The following P4HA2 variants were observed in gnomAD, a reference collection of about 807,000 sequenced individuals.
P4HA2 encodes the protein prolyl 4-hydroxylase subunit alpha 2.
P4HA2 carries 46 observed loss-of-function variants against 76.9 expected under a neutral mutation model. That is an observed-to-expected ratio of 0.60 (90% CI 0.47 to 0.76). P4HA2 has a LOEUF of 0.76. Ranked by LOEUF, P4HA2 falls within the 30% of genes least tolerant of loss-of-function variation. The pLI is 0.00. For missense variants in P4HA2, 583 were observed against 669.4 expected (o/e 0.87, Z 1.42); for synonymous variants, 243 against 254.0 (o/e 0.96, Z 0.41).
Position 132,193,032 on chromosome 5 carries a change from C to T in P4HA2, c.1580G>A (p.Cys527Tyr), listed in dbSNP as rs138013404. ...HERGQEFLRPCGSTEVD is the reference protein window; with the variant it reads ...HERGQEFLRPYGSTEVD The stretch of plus-strand genomic sequence containing the variant: ...ATGTCAGTCAACTTCTGTTGATCCA[C>T]AAGGTCTCAAGAACTCCTGTCCTCG... Residue 527 changes from cysteine to tyrosine, a missense_variant, in exon 15 of 15, where the codon TGT becomes TAT. Cys to Tyr is a radical substitution (Grantham distance 194). Transcript: ENST00000360568. 2.3e-5 allele frequency: 37 copies of T among 1,612,118 alleles called. No homozygotes were observed. The highest frequency in any genetic ancestry group is 1.6e-4 in the Middle Eastern group (1 of 6,082).
At chr5:132,215,373 G>A (rs1191818672) in intron 4 of P4HA2, among the ~76,000 whole-genome samples, 2 of 152,348 alleles carry the variant, frequency 1.3e-5, no homozygotes, top group Non-Finnish European at 2.9e-5. Context: ...GGAGTGTAGG[G>A]TGTGGAGAAC....
Position 132,210,371 on chromosome 5 carries a change from G to A in P4HA2, c.622C>T (p.Gln208Ter). ...GCATAGCTGAGGTAGTCCAGCACCTGTGACTTGGTTGTGGTGGCCTCCTCC... is the reference window on the plus strand; with the variant it reads ...GCATAGCTGAGGTAGTCCAGCACCTATGACTTGGTTGTGGTGGCCTCCTCC... ...AGEEATTTKS[Q>*]VLDYLSYAVF... Residue 208 changes from glutamine to a stop codon, truncating the protein, a stop_gained, in exon 6 of 15, where the codon CAG (glutamine) becomes TAG (stop). Coordinates refer to ENST00000360568, the MANE Select transcript of P4HA2 (RefSeq NM_001017974.2). LOFTEE classifies it high-confidence loss of function. 6.2e-7 allele frequency: 1 copy of A among 1,614,136 alleles called. No homozygotes were observed. Among genetic ancestry groups the A allele is most frequent in the Non-Finnish European group, 8.5e-7 (1 of 1,180,008 alleles).
chr5:132,191,435 C>T lies in P4HA2; in HGVS notation c.*1575G>A, dbSNP rs1392383811. The stretch of plus-strand genomic sequence containing the variant: ...GCTGAGGCAGGAGAATGGCGTGAAC[C>T]CGGGAGGCGGAGCTTGCAGTGAGCC... On this transcript the variant is annotated 3_prime_UTR_variant, in exon 15 of 15. Transcript: ENST00000360568. Among the ~76,000 whole-genome samples the T allele has an allele frequency of 2.7e-5, 4 of 149,362 alleles. No individual in the cohort carries two copies. The highest frequency in any genetic ancestry group is 3.0e-5 in the Non-Finnish European group (2 of 67,278).
intron 1 of P4HA2, among the ~76,000 whole-genome samples, chr5:132,222,433 C>T (rs533845329): frequency 1.3e-5 from 2 of 152,278 alleles, no homozygotes; most frequent in African/African-American, 4.8e-5. Flanking sequence ...CTGAGCCACC[C>T]CTAACTTCCC....
intron 1 of P4HA2, 116 bp downstream of exon 1, chr5:132,227,674 A>G (rs1000127261): frequency 1.3e-5 from 2 of 152,674 alleles, no homozygotes; most frequent in Admixed American, 1.3e-4. Flanking sequence ...CCGGCCCCGG[A>G]TCCGGCCCCG....
rs183609379 is a variant in P4HA2 at position 132,191,042 on chromosome 5, G to T, written c.*1968C>A. ...AAGTCCGAGATCAAGATGCTAGTAGGTTTGTTTCTGGTAAGGGCCCCCTGG... is the reference window on the plus strand; with the variant it reads ...AAGTCCGAGATCAAGATGCTAGTAGTTTTGTTTCTGGTAAGGGCCCCCTGG... On this transcript the variant is annotated 3_prime_UTR_variant, in exon 15 of 15. Coordinates refer to ENST00000360568, the MANE Select transcript of P4HA2 (RefSeq NM_001017974.2). Among the ~76,000 whole-genome samples, 2 of 152,192 alleles carry T rather than the reference G, an allele frequency of 1.3e-5. No homozygotes were observed. Among genetic ancestry groups the T allele is most frequent in the Non-Finnish European group, 2.9e-5 (2 of 68,028 alleles).
At chr5:132,215,419 G>A (rs1170868972) in intron 4 of P4HA2, among the ~76,000 whole-genome samples, 1 of 152,220 alleles carries the variant, frequency 6.6e-6, no homozygotes, top group East Asian at 1.9e-4. Flanking sequence ...GGTAGGCTTA[G>A]TCTCCTGCCG....
At chr5:132,197,884 T>C (rs1474785122) in intron 12 of P4HA2, 1 of 377,424 alleles carries the variant, frequency 2.6e-6, no homozygotes, top group Non-Finnish European at 3.6e-6. Context: ...TTGCGCACTA[T>C]GAATGTATTT....
intron 7 of P4HA2, among the ~76,000 whole-genome samples, chr5:132,208,400 G>A (rs1472125035): frequency 8.4e-5 from 1 of 11,870 alleles, no homozygotes; most frequent in Non-Finnish European, 2.5e-4. Context: ...GAGGGGAGGG[G>A]GAGGGGAGGG....
rs755355560 is a variant in P4HA2 at position 132,217,300 on chromosome 5, A to T, written c.228T>A (p.Ala76=). 2.5e-6 allele frequency: 4 copies of T among 1,614,204 alleles called. No homozygotes were observed. The South Asian group carries it at 4.4e-5, about 18-fold the overall frequency. The part of the protein sequence containing the change: ...EALTSKSAAD[A]EGYLAHPVNA... ...TCACAGGGTGAGCCAGGTAGCCCTC[A>T]GCATCAGCAGCTGACTTGCTAGTCA... The change falls in exon 4 of 15, where the codon GCT becomes GCA. Residue 76 remains alanine, a synonymous_variant. Coordinates refer to ENST00000360568, the MANE Select transcript of P4HA2 (RefSeq NM_001017974.2).
chr5:132,214,131 C>T (rs1049395351), intron 4 of P4HA2, 78 bp from the exon 5 acceptor site: 4 of 1,432,384 alleles, frequency 2.8e-6, no homozygotes, highest in South Asian at 1.3e-5. Context: ...GAGGCAGCCA[C>T]AAAGAGGGTC....
chr5:132,199,607 A>G (rs1751197273), intron 10 of P4HA2: 1 of 152,324 alleles, frequency 6.6e-6, no homozygotes, highest in Non-Finnish European at 1.5e-5. Flanking sequence ...GCCTTTGTGG[A>G]CAGCTTATCA....
chr5:132,223,709 A>G (rs1418631706), intron 1 of P4HA2, among the ~76,000 whole-genome samples: 7 of 152,196 alleles, frequency 4.6e-5, no homozygotes, highest in Non-Finnish European at 8.8e-5. Flanking sequence ...TTTCATTTCT[A>G]CTATCTAATT....
At chr5:132,220,385 G>C (rs992603945) in intron 1 of P4HA2, among the ~76,000 whole-genome samples, 1 of 152,226 alleles carries the variant, frequency 6.6e-6, no homozygotes, top group African/African-American at 2.4e-5. Flanking sequence ...ACATAGAGCT[G>C]GGAGGATGTA....
chr5:132,195,228 C>A (rs920564030), intron 13 of P4HA2, 184 bp downstream of exon 13: 27 of 645,942 alleles, frequency 4.2e-5, no homozygotes, highest in Admixed American at 1.5e-4. Context: ...TCACCCGCCC[C>A]TGAAGGGACT....
rs1478270396 is a variant in P4HA2, at chr5:132,204,984, T to C, written c.1081-832A>G. On this transcript the variant is annotated intron_variant, in intron 8 of 14. Coordinates refer to ENST00000360568, the MANE Select transcript of P4HA2 (RefSeq NM_001017974.2). ...GACTGTCCTCATGACCTCACATGGG[T>C]GGGGCCATAGGCCCAGGTACTCCCA... 2.1e-4 allele frequency among the ~76,000 whole-genome samples: 32 copies of C among 152,214 alleles called. 1 individual carries two copies. The highest frequency in any genetic ancestry group is 2.1e-3 in the Admixed American group (32 of 15,286).
intron 12 of P4HA2, chr5:132,197,910 T>C (rs900049292): frequency 1.5e-6 from 1 of 656,848 alleles, no homozygotes. Flanking sequence ...CACTGAACCG[T>C]ACATTTAAAA....
intron 1 of P4HA2, among the ~76,000 whole-genome samples, chr5:132,221,123 A>G (rs1754599821): frequency 6.6e-6 from 1 of 152,222 alleles, no homozygotes; most frequent in Admixed American, 6.5e-5. Flanking sequence ...GCCAACCTCC[A>G]ACCCATCTCA....
Position 132,208,600 on chromosome 5 carries a change from G to C in P4HA2, c.903+538C>G, listed in dbSNP as rs1435771542. Among the ~76,000 whole-genome samples the C allele has an allele frequency of 2.0e-5, 3 of 151,842 alleles. No individual in the cohort carries two copies. In the East Asian group the frequency reaches 5.8e-4, roughly 29 times the overall value. On this transcript the variant is annotated intron_variant, in intron 7 of 14. Coordinates refer to ENST00000360568, the MANE Select transcript of P4HA2 (RefSeq NM_001017974.2). ...CCTGACCCTTTTCGTGAAGACTTGA[G>C]TAGGTCTGAAGGGCTGGGACAGGGG...
Sources: allele counts gnomAD v4.1 joint callset (sites outside exome capture counted in the v4.1 genomes callset), GRCh38; gene constraint gnomAD v4.1.1; transcripts MANE v1.5; gene names NCBI Gene and HGNC (gene_info 2026-07-23, HGNC 2026-07-21).